Variants in TMC7 observed in about 807,000 individuals in gnomAD.
TMC7 encodes transmembrane channel-like protein 7.
TMC7 carries 54 observed loss-of-function variants against 82.9 expected under a neutral mutation model. That is an observed-to-expected ratio of 0.65 (90% CI 0.52 to 0.82). The LOEUF (loss-of-function observed/expected upper bound fraction) is 0.82. TMC7 is among the 40% of genes least tolerant of loss of function. The probability of loss-of-function intolerance (pLI) is 0.00; values close to 1 mark genes in which losing one functional copy is unlikely to be tolerated. For missense variants in TMC7, 820 were observed against 901.2 expected, an observed-to-expected ratio of 0.91 and a Z score of 1.15; for synonymous variants, 350 against 337.9, an observed-to-expected ratio of 1.04 and a Z score of -0.39.
chr16:19,042,006 T>A (rs374535017), intron 9 of TMC7, among the ~76,000 whole-genome samples: 14 of 152,254 alleles, frequency 9.2e-5, no homozygotes, highest in African/African-American at 2.6e-4. Flanking sequence ...TTGCTATAAA[T>A]GACTGTGGAG....
At chr16:19,025,511 T>C (rs1325391711) in intron 5 of TMC7, among the ~76,000 whole-genome samples, 2 of 151,654 alleles carry the variant, frequency 1.3e-5, no homozygotes, top group Non-Finnish European at 2.9e-5. Flanking sequence ...CCCAGCTACT[T>C]AGGAGGCTGA....
At chr16:18,984,188 AG>A in intron 1 of TMC7, 58 bp downstream of exon 1, 1 of 1,436,098 alleles carries the variant, frequency 7.0e-7, no homozygotes, top group Non-Finnish European at 9.1e-7. Context: ...GGGCGCACGG[AG>A]GGAGCCGGGT....
chr16:19,025,174 T>G (rs1960164646), intron 5 of TMC7, among the ~76,000 whole-genome samples: 1 of 152,160 alleles, frequency 6.6e-6, no homozygotes, highest in Admixed American at 6.6e-5. Context: ...CTCTTCCAAC[T>G]CTGACAACCA....
chr16:19,044,392 C>T (rs1418763965), intron 9 of TMC7, among the ~76,000 whole-genome samples: 1 of 151,892 alleles, frequency 6.6e-6, no homozygotes, highest in African/African-American at 2.4e-5. Flanking sequence ...GGTGGTCTTA[C>T]TTTACTGCCC....
intron 12 of TMC7, among the ~76,000 whole-genome samples, chr16:19,051,433 T>C (rs990993625): frequency 1.5e-5 from 2 of 137,910 alleles, no homozygotes; most frequent in Non-Finnish European, 1.6e-5. Context: ...CCCCGGTGTG[T>C]GATGTTCCCC....
chr16:19,059,454 A>C lies in TMC7; in HGVS notation c.2066A>C (p.His689Pro), dbSNP rs1430269278. The C allele has an allele frequency of 6.2e-7, 1 of 1,614,114 alleles. No individual in the cohort carries two copies. Among genetic ancestry groups the C allele is most frequent in the South Asian group, 1.1e-5 (1 of 91,084 alleles). ...MFYFIALAGA[H>P]KRVVIQLREQ... Reference sequence around the variant, plus strand: ...TACTTCATTGCCTTAGCTGGAGCACACAAACGGGTGGTCATCCAGCTCCGA... The same window carrying C: ...TACTTCATTGCCTTAGCTGGAGCACCCAAACGGGTGGTCATCCAGCTCCGA... Residue 689 changes from histidine to proline, a missense_variant, in exon 15 of 16, where the codon CAC becomes CCC. Coordinates refer to ENST00000304381, the MANE Select transcript of TMC7 (RefSeq NM_024847.4).
At chr16:19,028,255 C>T (rs1028409571) in intron 5 of TMC7, among the ~76,000 whole-genome samples, 7 of 152,046 alleles carry the variant, frequency 4.6e-5, no homozygotes, top group Admixed American at 6.6e-5. Flanking sequence ...GTCAGTCAGC[C>T]GGGCACAGTG....
At chr16:19,018,553 A>C (rs1959817757) in intron 3 of TMC7, among the ~76,000 whole-genome samples, 1 of 152,146 alleles carries the variant, frequency 6.6e-6, no homozygotes, top group Non-Finnish European at 1.5e-5. Flanking sequence ...AAATACCATG[A>C]CACTGGGTGT....
chr16:19,016,810 T>C (rs1959718482), intron 3 of TMC7, among the ~76,000 whole-genome samples: 1 of 152,226 alleles, frequency 6.6e-6, no homozygotes, highest in African/African-American at 2.4e-5. Context: ...GTTGTTGTAT[T>C]TATCTTGGAA....
At chr16:19,042,166 C>G (rs1961041943) in intron 9 of TMC7, among the ~76,000 whole-genome samples, 1 of 151,806 alleles carries the variant, frequency 6.6e-6, no homozygotes, top group Admixed American at 6.6e-5. Context: ...TCGCTCTTTC[C>G]CCCATTCTTT....
intron 6 of TMC7, among the ~76,000 whole-genome samples, chr16:19,033,988 G>A (rs1960629205): frequency 6.6e-6 from 1 of 152,170 alleles, no homozygotes. Context: ...CATCTACAGA[G>A]GACTGTGCAT....
intron 3 of TMC7, 112 bp downstream of exon 3, chr16:19,016,710 A>G: frequency 1.7e-6 from 2 of 1,201,270 alleles, no homozygotes; most frequent in Non-Finnish European, 2.3e-6. Context: ...TCTTTCCATG[A>G]TGAATGTGAG....
intron 11 of TMC7, among the ~76,000 whole-genome samples, 153 bp downstream of exon 11, chr16:19,045,591 C>CTTT (rs58444252): frequency 1.3e-5 from 1 of 77,760 alleles, no homozygotes; most frequent in African/African-American, 5.0e-5. Context: ...TGGTAACTTT[C>CTTT]TTTTTTTTTT....
Position 19,023,102 on chromosome 16 carries a change from G to A in TMC7, c.629-11G>A, listed in dbSNP as rs1960060299. 3 of 1,572,922 alleles carry A rather than the reference G, an allele frequency of 1.9e-6. No individual in the cohort carries two copies. The East Asian group carries it at 6.8e-5, about 35-fold the overall frequency. ...TGTTTCCACTGACATTCTGGTTTTT[G>A]TTTCTTACAGATAAACAATGTACAG... On this transcript the variant is annotated splice_polypyrimidine_tract_variant and intron_variant, in intron 4 of 15. Transcript: ENST00000304381.
intron 1 of TMC7, among the ~76,000 whole-genome samples, chr16:19,002,699 C>T (rs1045451114): frequency 2.0e-5 from 3 of 152,212 alleles, no homozygotes; most frequent in African/African-American, 7.2e-5. Context: ...AAGTAATAAT[C>T]TCCTAATTGC....
intron 1 of TMC7, among the ~76,000 whole-genome samples, chr16:18,999,642 T>G (rs1396338278): frequency 6.6e-6 from 1 of 152,180 alleles, no homozygotes; most frequent in Admixed American, 6.6e-5. Flanking sequence ...CATGAATAGA[T>G]GGATGGGTGG....
chr16:18,989,511 T>C (rs1163508367), intron 1 of TMC7, among the ~76,000 whole-genome samples: 2 of 148,310 alleles, frequency 1.3e-5, no homozygotes, highest in Admixed American at 6.8e-5. Flanking sequence ...TAAAGGAGCA[T>C]TGTTTGGGCC....
chr16:19,024,955 G>A (rs1281952341), intron 5 of TMC7, among the ~76,000 whole-genome samples: 2 of 151,934 alleles, frequency 1.3e-5, no homozygotes, highest in African/African-American at 2.4e-5. Flanking sequence ...GCAGTGAGCC[G>A]AGATTGCACC....
Position 19,063,734 on chromosome 16 carries a change from T to C in TMC7, c.*1891T>C, listed in dbSNP as rs982465937. On this transcript the variant is annotated 3_prime_UTR_variant, in exon 16 of 16. Coordinates refer to ENST00000304381, the MANE Select transcript of TMC7 (RefSeq NM_024847.4). Reference sequence around the variant, plus strand: ...CGAAAACGTACTGCGTTTTTTTTCCTATTATAAAAGTGATACTGAAATATG... The same window carrying C: ...CGAAAACGTACTGCGTTTTTTTTCCCATTATAAAAGTGATACTGAAATATG... 2.0e-5 allele frequency: 3 copies of C among 152,044 alleles called. No individual in the cohort carries two copies. The highest frequency in any genetic ancestry group is 2.9e-5 in the Non-Finnish European group (2 of 68,000). The allele number at this position is 152,044 out of a possible 1,614,324, so 9.4% of individuals were successfully genotyped here. A position where few individuals can be genotyped will look rare whatever the true frequency, so the allele number is the denominator to read the frequency against.
Sources: allele counts gnomAD v4.1 joint callset (sites outside exome capture counted in the v4.1 genomes callset), GRCh38; gene constraint gnomAD v4.1.1; transcripts MANE v1.5; gene names NCBI Gene and HGNC (gene_info 2026-07-23, HGNC 2026-07-21).